SHISA9: variants seen among roughly 807,000 people sequenced by gnomAD.
SHISA9 encodes shisa family member 9.
SHISA9 carries 13 observed loss-of-function variants against 38.0 expected under a neutral mutation model. The observed-to-expected ratio is 0.34, with a 90% CI of 0.22 to 0.54. The LOEUF (loss-of-function observed/expected upper bound fraction) is 0.54. Among genes scored for constraint, SHISA9 ranks in the 20% least tolerant of loss-of-function variants. The pLI is 0.91. For synonymous variants in SHISA9, 275 were observed against 242.0 expected, an observed-to-expected ratio of 1.14 and a Z score of -1.27; for missense variants, 538 against 575.8, an observed-to-expected ratio of 0.93 and a Z score of 0.67.
At chr16:13,092,118 G>A (rs2141948756) in intron 2 of SHISA9, among the ~76,000 whole-genome samples, 1 of 152,320 alleles carries the variant, frequency 6.6e-6, no homozygotes. Context: ...GTTTGCCTGG[G>A]TATCACCACC....
the SHISA9 span, among the ~76,000 whole-genome samples, chr16:13,522,188 A>G: frequency 1.1e-3 from 175 of 152,244 alleles, no homozygotes; most frequent in African/African-American, 4.0e-3. Flanking sequence ...TCTGTGTGAG[A>G]TTTCCCCTTT....
intron 2 of SHISA9, among the ~76,000 whole-genome samples, chr16:13,033,421 C>G (rs2073015754): frequency 6.6e-6 from 1 of 152,198 alleles, no homozygotes; most frequent in African/African-American, 2.4e-5. Flanking sequence ...CTATTTCCTA[C>G]TCTGTGCTTC....
At chr16:13,026,876 C>T (rs1458707375) in intron 2 of SHISA9, among the ~76,000 whole-genome samples, 1 of 152,196 alleles carries the variant, frequency 6.6e-6, no homozygotes, top group African/African-American at 2.4e-5. Flanking sequence ...GGATGTGAAG[C>T]TCAGAGACTT....
chr16:13,355,407 T>A, the SHISA9 span, among the ~76,000 whole-genome samples: 6 of 151,476 alleles, frequency 4.0e-5, no homozygotes, highest in East Asian at 1.2e-3. Flanking sequence ...CTTATACTTG[T>A]GGGTTAAGGT....
the SHISA9 span, among the ~76,000 whole-genome samples, chr16:13,554,007 A>G: frequency 6.6e-6 from 1 of 152,164 alleles, no homozygotes; most frequent in Non-Finnish European, 1.5e-5. Context: ...CTAAAATAGC[A>G]CAAGACCACA....
At chr16:13,367,651 T>TGG in the SHISA9 span, among the ~76,000 whole-genome samples, 26,000 of 140,070 alleles carry the variant, frequency 0.19, 3,250 homozygotes, top group African/African-American at 0.26. Context: ...GCAAGTAGGA[T>TGG]GCGGGGGGGA....
the SHISA9 span, among the ~76,000 whole-genome samples, chr16:13,367,684 A>G: frequency 7.1e-6 from 1 of 140,492 alleles, no homozygotes; most frequent in Non-Finnish European, 1.5e-5. Context: ...CCTGAAGTGT[A>G]CACGCGTGTG....
chr16:12,928,487 T>C (rs76417323), intron 2 of SHISA9, among the ~76,000 whole-genome samples: 3,773 of 152,322 alleles, frequency 0.025, 65 homozygotes, highest in African/African-American at 0.043. Context: ...AAAATAGTCA[T>C]TGAATATTTA....
intron 2 of SHISA9, among the ~76,000 whole-genome samples, chr16:12,922,917 T>G (rs1387361635): frequency 6.6e-6 from 1 of 152,128 alleles, no homozygotes; most frequent in Non-Finnish European, 1.5e-5. Flanking sequence ...GGGGAGAAAA[T>G]GCTTTCTATT....
intron 2 of SHISA9, among the ~76,000 whole-genome samples, chr16:13,162,842 C>G (rs891974692): frequency 1.3e-5 from 2 of 151,776 alleles, no homozygotes; most frequent in African/African-American, 4.8e-5. Flanking sequence ...AAAAAAAAAC[C>G]GATACAAGAA....
intron 2 of SHISA9, among the ~76,000 whole-genome samples, chr16:13,160,692 A>AC (rs1376886536): frequency 6.6e-6 from 1 of 151,534 alleles, no homozygotes; most frequent in Non-Finnish European, 1.5e-5. Context: ...CCATTTTAAC[A>AC]CCCCCCAGGG....
the SHISA9 span, among the ~76,000 whole-genome samples, chr16:13,359,240 G>A: frequency 6.6e-6 from 1 of 152,102 alleles, no homozygotes; most frequent in South Asian, 2.1e-4. Context: ...TTTTTGGGGG[G>A]AGGTCAAGGC....
the SHISA9 span, among the ~76,000 whole-genome samples, chr16:13,334,643 G>A: frequency 6.6e-5 from 10 of 151,798 alleles, no homozygotes; most frequent in Admixed American, 3.3e-4. Flanking sequence ...GCGTGGTGGC[G>A]GGCGCCTGTA....
At chr16:13,302,481 C>G in the SHISA9 span, among the ~76,000 whole-genome samples, 1 of 152,216 alleles carries the variant, frequency 6.6e-6, no homozygotes, top group South Asian at 2.1e-4. Context: ...GCAATCAGGC[C>G]CTTAGTTGCA....
At chr16:13,263,373 C>T in the SHISA9 span, among the ~76,000 whole-genome samples, 1 of 152,264 alleles carries the variant, frequency 6.6e-6, no homozygotes, top group Non-Finnish European at 1.5e-5. Flanking sequence ...GCGGAGTTCT[C>T]ATGAATGGTT....
chr16:13,456,222 C>T, the SHISA9 span, among the ~76,000 whole-genome samples: 9 of 152,226 alleles, frequency 5.9e-5, no homozygotes, highest in South Asian at 1.9e-3. Flanking sequence ...GGGACTTTCT[C>T]ATCTCATCCT....
the SHISA9 span, among the ~76,000 whole-genome samples, chr16:13,280,417 G>C: frequency 6.6e-6 from 1 of 151,472 alleles, no homozygotes; most frequent in Non-Finnish European, 1.5e-5. Context: ...ATTATTTTCT[G>C]ACTTGTTCAT....
chr16:13,024,106 G>T (rs892694348), intron 2 of SHISA9, among the ~76,000 whole-genome samples: 2 of 152,180 alleles, frequency 1.3e-5, no homozygotes, highest in Admixed American at 6.5e-5. Context: ...TTAGTGGATT[G>T]GTTATCTCCA....
At chr16:13,334,235 A>T in the SHISA9 span, among the ~76,000 whole-genome samples, 1 of 152,152 alleles carries the variant, frequency 6.6e-6, no homozygotes, top group African/African-American at 2.4e-5. Context: ...CATTGCTACC[A>T]CTTCTAAAGA....
Sources: allele counts gnomAD v4.1 joint callset (sites outside exome capture counted in the v4.1 genomes callset), GRCh38; gene constraint gnomAD v4.1.1; transcripts MANE v1.5; gene names NCBI Gene and HGNC (gene_info 2026-07-23, HGNC 2026-07-21).